Variants in HDAC2 observed in about 807,000 individuals in gnomAD.
The protein encoded by HDAC2 is YY1-associated factor 1.
A neutral mutation model predicts 68.5 loss-of-function variants in HDAC2; 5 were observed. The observed-to-expected ratio is 0.07, with a 90% CI of 0.04 to 0.15. The LOEUF (loss-of-function observed/expected upper bound fraction) is 0.15, where lower values mean the gene tolerates loss of function less well. Among genes scored for constraint, HDAC2 ranks in the 10% least tolerant of loss-of-function variants. The pLI is 1.00. For missense variants in HDAC2, 291 were observed against 600.8 expected, an observed-to-expected ratio of 0.48 and a Z score of 5.39; for synonymous variants, 182 against 191.3, an observed-to-expected ratio of 0.95 and a Z score of 0.40.
intron 10 of HDAC2, among the ~76,000 whole-genome samples, chr6:113,944,751 T>A (rs1207274262): frequency 6.6e-6 from 1 of 152,132 alleles, no homozygotes; most frequent in Non-Finnish European, 1.5e-5. Context: ...ACCTCGGACT[T>A]CCAAAGCATT....
At chr6:113,959,240 T>A (rs1776623979) in intron 2 of HDAC2, among the ~76,000 whole-genome samples, 1 of 152,084 alleles carries the variant, frequency 6.6e-6, no homozygotes, top group African/African-American at 2.4e-5. Context: ...CCACAAGACT[T>A]CCAGACTGAG....
intron 3 of HDAC2, chr6:113,957,253 A>C (rs1052579878): frequency 7.8e-5 from 12 of 153,086 alleles, no homozygotes; most frequent in African/African-American, 2.7e-4. Flanking sequence ...TAAAGACAAC[A>C]AGGAAAACAT....
chr6:113,961,922 T>A (rs1264609221), intron 1 of HDAC2, among the ~76,000 whole-genome samples: 1 of 152,136 alleles, frequency 6.6e-6, no homozygotes, highest in Non-Finnish European at 1.5e-5. Context: ...ATAACTTCCA[T>A]CTATCTGCCT....
Position 113,953,347 on chromosome 6 carries a change from G to A in HDAC2, c.569C>T (p.Thr190Ile). Residue 190 changes from threonine (T) to isoleucine (I), a missense_variant, in exon 6 of 14, where the codon ACA (threonine) becomes ATA (isoleucine). Thr to Ile is a moderately conservative substitution (Grantham distance 89). This residue lies in a region of HDAC2 where 154 missense variants were observed against 472.1 expected (regional missense o/e 0.33). Transcript: ENST00000519065. Reference sequence around the variant, plus strand: ...TGATACCGTCATTACACGATCTGTTGTATAAAAAGCTTCTTCAACACCATC... The same window carrying A: ...TGATACCGTCATTACACGATCTGTTATATAAAAAGCTTCTTCAACACCATC... ...HGDGVEEAFY[T>I]TDRVMTVSFH... 6.3e-7 allele frequency: 1 copy of A among 1,594,190 alleles called. No individual in the cohort carries two copies. Among genetic ancestry groups the A allele is most frequent in the Non-Finnish European group, 8.6e-7 (1 of 1,162,082 alleles).
At chr6:113,963,783 G>T (rs1319263108) in intron 1 of HDAC2, among the ~76,000 whole-genome samples, 2 of 152,090 alleles carry the variant, frequency 1.3e-5, no homozygotes, top group Non-Finnish European at 2.9e-5. Context: ...ATCAGCTCAA[G>T]GTGGTTCCTT....
intron 1 of HDAC2, chr6:113,970,355 A>C: frequency 3.5e-6 from 2 of 567,898 alleles, no homozygotes; most frequent in Non-Finnish European, 4.5e-6. Context: ...GGAGGAGGGA[A>C]GGGGACGGGA....
intron 5 of HDAC2, among the ~76,000 whole-genome samples, chr6:113,955,717 C>T (rs957163365): frequency 6.6e-6 from 1 of 151,970 alleles, no homozygotes; most frequent in Non-Finnish European, 1.5e-5. Context: ...TGCCATGTTG[C>T]CTAGCCTGGT....
chr6:113,946,001 C>T lies in HDAC2; in HGVS notation c.982+7G>A. On this transcript the variant is annotated splice_region_variant and intron_variant, in intron 9 of 13. Transcript: ENST00000519065. Reference sequence around the variant, plus strand: ...TACAATAAAGATATTGTAATGAGAACACTTACCATTGGGAATCTCACAATC... The same window carrying T: ...TACAATAAAGATATTGTAATGAGAATACTTACCATTGGGAATCTCACAATC... 1.9e-6 allele frequency: 3 copies of T among 1,606,384 alleles called. No homozygotes were observed. Among genetic ancestry groups the T allele is most frequent in the Non-Finnish European group, 2.6e-6 (3 of 1,173,282 alleles).
chr6:113,969,400 T>G (rs984918349), intron 1 of HDAC2, among the ~76,000 whole-genome samples: 19 of 152,234 alleles, frequency 1.2e-4, no homozygotes, highest in Non-Finnish European at 2.5e-4. Flanking sequence ...AAAGAGACAG[T>G]ACGGTCATTT....
chr6:113,943,085 A>G (rs1776175299), intron 12 of HDAC2, among the ~76,000 whole-genome samples: 1 of 152,200 alleles, frequency 6.6e-6, no homozygotes, highest in Non-Finnish European at 1.5e-5. Flanking sequence ...TAACCAATCT[A>G]TATCACAATG....
chr6:113,964,902 C>T (rs751053679), intron 1 of HDAC2, among the ~76,000 whole-genome samples: 17 of 152,230 alleles, frequency 1.1e-4, no homozygotes, highest in Non-Finnish European at 2.5e-4. Flanking sequence ...TAACACCATT[C>T]CTCAGCTCCA....
intron 4 of HDAC2, 56 bp downstream of exon 4, chr6:113,956,563 A>G (rs1156377123): frequency 1.7e-5 from 20 of 1,208,654 alleles, no homozygotes; most frequent in Middle Eastern, 1.9e-4. Flanking sequence ...AAATAACCCG[A>G]AAGATAACAC....
rs1562138879 is a variant in HDAC2, at chr6:113,940,381, A to G, written c.*677T>C. 1.3e-5 allele frequency: 2 copies of G among 152,172 alleles called. No homozygotes were observed. The highest frequency in any genetic ancestry group is 2.9e-5 in the Non-Finnish European group (2 of 68,030). The allele number at this position is 152,172 out of a possible 1,614,324, so 9.4% of individuals were successfully genotyped here. ...AAGTTCTGGTCAGTTTCTTCTTTCA[A>G]TTCAGAATTTCCATTTCAATTTTGA... is the stretch of plus-strand genomic sequence containing the variant. On this transcript the variant is annotated 3_prime_UTR_variant, in exon 14 of 14. Transcript: ENST00000519065.
rs749828429 is a variant in HDAC2 at position 113,948,959 on chromosome 6, C to T, written c.841+20G>A. ...GAAAAACCATTTTTTTCTGGAAATA[C>T]CACCCTTTGAATTGCTTACCTTTGA... On this transcript the variant is annotated intron_variant, in intron 8 of 13. Transcript: ENST00000519065. 1.2e-6 allele frequency: 2 copies of T among 1,606,020 alleles called. No individual in the cohort carries two copies. The highest frequency in any genetic ancestry group is 1.7e-5 in the Admixed American group (1 of 58,096).
intron 1 of HDAC2, among the ~76,000 whole-genome samples, chr6:113,960,535 G>GT (rs1179162455): frequency 1.3e-5 from 2 of 151,972 alleles, no homozygotes; most frequent in Non-Finnish European, 2.9e-5. Flanking sequence ...CCTAAATGAG[G>GT]TTTTGCTCCA....
chr6:113,952,525 T>G (rs3778215), intron 6 of HDAC2, among the ~76,000 whole-genome samples: 9 of 152,240 alleles, frequency 5.9e-5, no homozygotes, highest in Non-Finnish European at 1.3e-4. Context: ...CTTAATAAAA[T>G]AGTTTAAAAC....
At chr6:113,970,445 G>A in intron 1 of HDAC2, 3 of 1,044,636 alleles carry the variant, frequency 2.9e-6, no homozygotes, top group Non-Finnish European at 3.4e-6. Flanking sequence ...GGGACGGGTC[G>A]AGGGGGTAGG....
In HDAC2 at chr6:113,956,739, A is replaced by C. The variant is rs765138591; in HGVS notation, c.284-46T>G. 6 of 1,370,784 alleles carry C rather than the reference A, an allele frequency of 4.4e-6. No individual in the cohort carries two copies. The South Asian group carries it at 7.1e-5, about 16-fold the overall frequency. 84.9% of individuals were successfully genotyped at this position (1,370,784 alleles called of 1,614,324 possible). A position where few individuals can be genotyped will look rare whatever the true frequency, so the allele number is the denominator to read the frequency against. ...TAATTTCAACACATTCTGCAAATTAATGAAAGCCTTTTCTTACAAAAACTA... is the reference window on the plus strand; with the variant it reads ...TAATTTCAACACATTCTGCAAATTACTGAAAGCCTTTTCTTACAAAAACTA... On this transcript the variant is annotated intron_variant, in intron 3 of 13. Transcript: ENST00000519065.
rs1190264501 is a variant in HDAC2 at position 113,937,232 on chromosome 6, T to C, written c.*3826A>G. ...TTTATATCACAATATGAATAACAAA[T>C]ATTATGAATCGCAGTTATCAAAAAA... On this transcript the variant is annotated 3_prime_UTR_variant, in exon 14 of 14. Transcript: ENST00000519065. 1 of 152,184 alleles carries C rather than the reference T, an allele frequency of 6.6e-6. No individual in the cohort carries two copies. Among genetic ancestry groups the C allele is most frequent in the Non-Finnish European group, 1.5e-5 (1 of 68,028 alleles). The allele number at this position is 152,184 out of a possible 1,614,324, so 9.4% of individuals were successfully genotyped here.
Sources: gnomAD v4.1 joint callset for allele counts (sites outside exome capture counted in the v4.1 genomes callset) on GRCh38, gnomAD v4.1.1 for gene constraint, gnomAD v4.1.1 regional missense constraint, MANE v1.5 for transcripts, NCBI Gene and HGNC (gene_info 2026-07-23, HGNC 2026-07-21) for gene names.